The following NUP188 variants were observed in gnomAD, a reference collection of about 807,000 sequenced individuals.
NUP188 encodes nucleoporin NUP188.
NUP188 carries 97 observed loss-of-function variants against 223.0 expected under a neutral mutation model. The ratio of observed to expected loss-of-function variants is 0.43; its 90% CI spans 0.37 to 0.51. The LOEUF (loss-of-function observed/expected upper bound fraction) is 0.51, where lower values mean the gene tolerates loss of function less well. Ranked by LOEUF, NUP188 falls within the 20% of genes least tolerant of loss-of-function variation. The probability of loss-of-function intolerance (pLI) is 0.00; values close to 1 mark genes in which losing one functional copy is unlikely to be tolerated. For synonymous variants in NUP188, 869 were observed against 828.0 expected (o/e 1.05, Z -0.85); for missense variants, 1,947 against 2,175.6 (o/e 0.89, Z 2.09).
intron 8 of NUP188, among the ~76,000 whole-genome samples, chr9:128,966,253 T>G (rs1173965283): frequency 1.6e-5 from 2 of 125,688 alleles, no homozygotes; most frequent in Non-Finnish European, 3.6e-5. Context: ...TCTGTCTGTC[T>G]CTGTGTCTGT....
chr9:129,001,697 C>T lies in NUP188; in HGVS notation c.4012C>T (p.His1338Tyr). Residue 1338 changes from histidine to tyrosine, a missense_variant, in exon 35 of 44, where the codon CAT (histidine) becomes TAT (tyrosine). Around this residue, in one of 3 missense-constraint regions of NUP188, gnomAD observed 905 missense variants for 990.6 expected, o/e 0.91. Coordinates refer to ENST00000372577, the MANE Select transcript of NUP188 (RefSeq NM_015354.3). ...QNLHFTEATL[H>Y]LLLTLARTQQ... ...CCTGCATTTCACTGAGGCCACATTG[C>T]ATCTGCTCCTCACCCTGGCTCGCAC... is the stretch of plus-strand genomic sequence containing the variant. 1.2e-6 allele frequency: 2 copies of T among 1,614,004 alleles called. No homozygotes were observed. The highest frequency in any genetic ancestry group is 2.2e-5 in the East Asian group (1 of 44,880).
At chr9:128,971,105 T>C in intron 11 of NUP188, 147 bp downstream of exon 11, 1 of 665,480 alleles carries the variant, frequency 1.5e-6, no homozygotes, top group East Asian at 2.7e-5. Context: ...GCATTATTTA[T>C]AATGTTTATG....
intron 19 of NUP188, among the ~76,000 whole-genome samples, chr9:128,984,123 G>GGTTTTTTTTTTTTTTTTTTTTTTTTTTT (rs1564560013): frequency 9.4e-6 from 1 of 106,526 alleles, no homozygotes; most frequent in Non-Finnish European, 1.7e-5. Flanking sequence ...CGCCTGGCCT[G>GGTTTTTTTTTTTTTTTTTTTTTTTTTTT]ATTTTTTTTT....
rs1479793865 is a variant in NUP188, at chr9:128,999,701, G to A, written c.3739G>A (p.Asp1247Asn). Residue 1247 changes from aspartate to asparagine, a missense_variant, in exon 34 of 44, where the codon GAC becomes AAC. This residue lies in a region of NUP188 where 905 missense variants were observed against 990.6 expected (regional missense o/e 0.91). Transcript: ENST00000372577. Reference sequence around the variant, plus strand: ...CCAAGAGGAAGTGATTGCACTCTTCGACCAGACCCGCCACAGTCTGGCATT... The same window carrying A: ...CCAAGAGGAAGTGATTGCACTCTTCAACCAGACCCGCCACAGTCTGGCATT... ...TLQEEVIALF[D>N]QTRHSLALGS... is the part of the protein sequence containing the mutation. 1.2e-6 allele frequency: 2 copies of A among 1,613,832 alleles called. No individual in the cohort carries two copies. The highest frequency in any genetic ancestry group is 1.7e-6 in the Non-Finnish European group (2 of 1,180,004).
Position 128,973,125 on chromosome 9 carries a change from C to T in NUP188, c.1114-35C>T, listed in dbSNP as rs2181260. 771 of 1,402,190 alleles carry T rather than the reference C, an allele frequency of 5.5e-4. 6 individuals are homozygous for T. In the African/African-American group the frequency reaches 8.0e-3, roughly 15 times the overall value. 86.9% of individuals were successfully genotyped at this position (1,402,190 alleles called of 1,614,324 possible). A position where few individuals can be genotyped will look rare whatever the true frequency, so the allele number is the denominator to read the frequency against. Reference sequence around the variant, plus strand: ...CCGAACCTGGGGAAGAGTTGTATTACTCAGAATGATTCACTGACTCCTTTG... The same window carrying T: ...CCGAACCTGGGGAAGAGTTGTATTATTCAGAATGATTCACTGACTCCTTTG... On this transcript the variant is annotated intron_variant, in intron 11 of 43. Coordinates refer to ENST00000372577, the MANE Select transcript of NUP188 (RefSeq NM_015354.3).
At chr9:128,998,650 C>T (rs777103811) in intron 32 of NUP188, 27 bp downstream of exon 32, 1 of 1,583,226 alleles carries the variant, frequency 6.3e-7, no homozygotes, top group East Asian at 2.2e-5. Flanking sequence ...AGAGGCAAGC[C>T]CGAGGCCAGA....
rs760318091 is a variant in NUP188, at chr9:129,006,658, G to T, written c.5230G>T (p.Val1744Phe). The part of the protein sequence containing the change: ...EPLIQLVQAF[V>F]RHMQR ...TCTGATCCAGTTGGTGCAGGCGTTT[G>T]TCCGGCATATGCAAAGATAGGGCAG... The change falls in exon 44 of 44, where the codon GTC becomes TTC. Residue 1744 changes from valine (V) to phenylalanine (F), a missense_variant. Transcript: ENST00000372577. 3 of 1,613,630 alleles carry T rather than the reference G, an allele frequency of 1.9e-6. No homozygotes were observed. The highest frequency in any genetic ancestry group is 8.5e-7 in the Non-Finnish European group (1 of 1,179,962).
chr9:129,006,524 C>G lies in NUP188; in HGVS notation c.5096C>G (p.Ser1699Trp), dbSNP rs375693349. Reference protein sequence around the residue: ...SELSTLLSSLSRYFRRGAPSS... With the variant: ...SELSTLLSSLWRYFRRGAPSS... ...TAGAGCACGCTGCTGTCCAGCCTCTCGCGCTACTTCCGCCGGGGAGCCCCC... is the reference window on the plus strand; with the variant it reads ...TAGAGCACGCTGCTGTCCAGCCTCTGGCGCTACTTCCGCCGGGGAGCCCCC... Residue 1699 changes from serine (S) to tryptophan (W), a missense_variant, in exon 44 of 44, where the codon TCG becomes TGG. By Grantham distance (177) the Ser-to-Trp change is radical. Coordinates refer to ENST00000372577, the MANE Select transcript of NUP188 (RefSeq NM_015354.3). 4 of 1,613,542 alleles carry G rather than the reference C, an allele frequency of 2.5e-6. No individual in the cohort carries two copies. The highest frequency in any genetic ancestry group is 1.7e-5 in the Admixed American group (1 of 59,900).
chr9:128,988,284 C>T (rs1842367187), intron 24 of NUP188, 98 bp downstream of exon 24: 2 of 1,350,318 alleles, frequency 1.5e-6, no homozygotes, highest in East Asian at 4.7e-5. Context: ...TGGATGTCAA[C>T]AGTATTTTCT....
intron 12 of NUP188, among the ~76,000 whole-genome samples, chr9:128,977,383 T>TA (rs776542851): frequency 1.3e-5 from 2 of 152,076 alleles, no homozygotes; most frequent in East Asian, 3.9e-4. Context: ...CCTCCCAAAG[T>TA]GTTGGCATTA....
intron 38 of NUP188, 106 bp downstream of exon 38, chr9:129,003,560 CGG>C (rs745997251): frequency 2.2e-6 from 3 of 1,341,804 alleles, no homozygotes; most frequent in Non-Finnish European, 3.2e-6. Flanking sequence ...TGTTCCTGAA[CGG>C]GGGCTTTTCC....
At chr9:128,950,577 A>G (rs956611504) in intron 2 of NUP188, among the ~76,000 whole-genome samples, 28 of 152,238 alleles carry the variant, frequency 1.8e-4, no homozygotes, top group Middle Eastern at 6.8e-3. Flanking sequence ...GCAGTGGCTC[A>G]TGCCTGTAAC....
rs1397868742 is a variant in NUP188 at position 128,987,665 on chromosome 9, A to G, written c.2341A>G (p.Met781Val). Residue 781 changes from methionine (M) to valine (V), a missense_variant, in exon 23 of 44, where the codon ATG (methionine) becomes GTG (valine). By Grantham distance (21) the Met-to-Val change is conservative. Transcript: ENST00000372577. ...AGCAGGACAGACAGTTATCAATATC[A>G]TGGGCATTGGCGTGGACACCATTGA... is the stretch of plus-strand genomic sequence containing the variant. Reference protein sequence around the residue: ...TEAGQTVINIMGIGVDTIDMV... With the variant: ...TEAGQTVINIVGIGVDTIDMV... 4.3e-6 allele frequency: 7 copies of G among 1,613,930 alleles called. No individual in the cohort carries two copies. The highest frequency in any genetic ancestry group is 1.1e-5 in the South Asian group (1 of 91,056).
At chr9:128,998,067 T>G in intron 30 of NUP188, 84 bp from the exon 31 acceptor site, 1 of 917,688 alleles carries the variant, frequency 1.1e-6, no homozygotes, top group Non-Finnish European at 1.8e-6. Flanking sequence ...CAATGACTAA[T>G]TGCCTAGCAG....
intron 11 of NUP188, among the ~76,000 whole-genome samples, chr9:128,972,477 CAG>C (rs1842117231): frequency 6.7e-6 from 1 of 148,854 alleles, no homozygotes; most frequent in Non-Finnish European, 1.5e-5. Context: ...GAGGATTTCA[CAG>C]AGGATTTTTA....
chr9:128,990,178 C>G lies in NUP188; in HGVS notation c.2592C>G (p.Asp864Glu). 1 of 1,614,198 alleles carries G rather than the reference C, an allele frequency of 6.2e-7. No homozygotes were observed. Among genetic ancestry groups the G allele is most frequent in the Non-Finnish European group, 8.5e-7 (1 of 1,180,026 alleles). Reference protein sequence around the residue: ...VLAKYIYHKHDPALPRLAIQL... With the variant: ...VLAKYIYHKHEPALPRLAIQL... ...CCAAATACATCTACCACAAACATGA[C>G]CCTGCTTTGCCACGTCTTGCCATTC... The change falls in exon 25 of 44, where the codon GAC becomes GAG. Residue 864 changes from aspartate (D) to glutamate (E), a missense_variant. This residue lies in a region of NUP188 where 225 missense variants were observed against 319.1 expected (regional missense o/e 0.71). Coordinates refer to ENST00000372577, the MANE Select transcript of NUP188 (RefSeq NM_015354.3).
intron 12 of NUP188, among the ~76,000 whole-genome samples, chr9:128,976,691 A>G (rs1454003661): frequency 2.0e-5 from 3 of 151,908 alleles, no homozygotes; most frequent in Non-Finnish European, 4.4e-5. Flanking sequence ...AAAAGACTCA[A>G]TTTCTAAAGG....
intron 34 of NUP188, 30 bp from the exon 35 acceptor site, chr9:129,001,499 C>T: frequency 6.3e-7 from 1 of 1,599,902 alleles, no homozygotes; most frequent in East Asian, 2.2e-5. Flanking sequence ...CTTCTTCTTC[C>T]CCCTTTTACT....
chr9:128,983,093 G>T (rs1018548345), intron 17 of NUP188, 65 bp downstream of exon 17: 1 of 1,596,738 alleles, frequency 6.3e-7, no homozygotes. Flanking sequence ...CCCTCAGTTT[G>T]CAGGAACCTG....
Sources: allele counts gnomAD v4.1 joint callset (sites outside exome capture counted in the v4.1 genomes callset), GRCh38; gene constraint gnomAD v4.1.1; regional missense constraint gnomAD v4.1.1; transcripts MANE v1.5; gene names NCBI Gene and HGNC (gene_info 2026-07-23, HGNC 2026-07-21).